The following ATP5F1D variants were observed in gnomAD, a reference collection of about 807,000 sequenced individuals.
The protein encoded by ATP5F1D is ATP synthase F(1) complex subunit delta, mitochondrial.
In ATP5F1D, 16 loss-of-function variants were observed where a neutral mutation model predicts 13.0. The observed-to-expected ratio is 1.23, with a 90% CI of 0.83 to 1.87. The LOEUF is 1.87. ATP5F1D is among the 40% of genes most tolerant of loss of function. The pLI is 0.00. For synonymous variants in ATP5F1D, 129 were observed against 116.2 expected, an observed-to-expected ratio of 1.11 and a Z score of -0.71; for missense variants, 294 against 246.2, an observed-to-expected ratio of 1.19 and a Z score of -1.30.
chr19:1,241,967 CT>C lies in ATP5F1D; in HGVS notation c.119del (p.Phe40SerfsTer24). ...AAASGPNQMS[F>X]TFASPTQVFF... is the part of the protein sequence containing the mutation. ...CCGCCTCTGGCCCCAACCAGATGTC[CT>C]TCACCTTCGCCTCTCCCACGCAGGT... On this transcript the variant is annotated frameshift_variant, in exon 1 of 4. Coordinates refer to ENST00000215375, the MANE Select transcript of ATP5F1D (RefSeq NM_001687.5). LOFTEE classifies it high-confidence loss of function. 1 of 1,481,768 alleles carries C rather than the reference CT, an allele frequency of 6.7e-7. No homozygotes were observed. The highest frequency in any genetic ancestry group is 9.0e-7 in the Non-Finnish European group (1 of 1,116,586). 91.8% of individuals were successfully genotyped at this position (1,481,768 alleles called of 1,614,324 possible). A position where few individuals can be genotyped will look rare whatever the true frequency, so the allele number is the denominator to read the frequency against.
At position 1,244,565 on chromosome 19, in the gene ATP5F1D, G is replaced by T. The variant is rs1440422001; in HGVS notation, c.*128G>T. ...CTGCCAAGGAGGCCACCAGAGGGCA[G>T]TGCAGGCTTCTGCCTGGGCCCCAGG... On this transcript the variant is annotated 3_prime_UTR_variant, in exon 4 of 4. Transcript: ENST00000215375. 3 of 1,393,000 alleles carry T rather than the reference G, an allele frequency of 2.2e-6. No homozygotes were observed. The Admixed American group carries it at 8.0e-5, about 37-fold the overall frequency. 86.3% of individuals were successfully genotyped at this position (1,393,000 alleles called of 1,614,324 possible).
At chr19:1,242,163 C>T in intron 1 of ATP5F1D, 172 bp downstream of exon 1, 1 of 967,782 alleles carries the variant, frequency 1.0e-6, no homozygotes. Context: ...CCCTGCGCTG[C>T]CCTCGTCCCG....
Position 1,241,964 on chromosome 19 carries a change from G to T in ATP5F1D, c.114G>T (p.Met38Ile). ...CTGCCGCCTCTGGCCCCAACCAGAT[G>T]TCCTTCACCTTCGCCTCTCCCACGC... ...APAAASGPNQ[M>I]SFTFASPTQV... is the part of the protein sequence containing the mutation. The change falls in exon 1 of 4, where the codon ATG (methionine) becomes ATT (isoleucine). Residue 38 changes from methionine to isoleucine, a missense_variant. By Grantham distance (10) the Met-to-Ile change is conservative. Transcript: ENST00000215375. 1 of 1,483,556 alleles carries T rather than the reference G, an allele frequency of 6.7e-7. No homozygotes were observed. 91.9% of individuals were successfully genotyped at this position (1,483,556 alleles called of 1,614,324 possible).
chr19:1,242,063 C>A, intron 1 of ATP5F1D, 72 bp downstream of exon 1: 1 of 1,294,438 alleles, frequency 7.7e-7, no homozygotes, highest in Non-Finnish European at 9.8e-7. Context: ...CCCCAGGGCG[C>A]GACCCCCGCT....
At chr19:1,243,108 G>C (rs1262087791) in intron 2 of ATP5F1D, 2 of 153,042 alleles carry the variant, frequency 1.3e-5, no homozygotes, top group African/African-American at 4.8e-5. Context: ...GTTTTAGCAG[G>C]TTTGTCCACT....
intron 3 of ATP5F1D, 45 bp downstream of exon 3, chr19:1,244,230 C>T (rs1339491836): frequency 6.3e-7 from 1 of 1,591,368 alleles, no homozygotes; most frequent in Non-Finnish European, 8.6e-7. Context: ...TGGAGCTGTC[C>T]AGGCTGCGGG....
In ATP5F1D at chr19:1,244,734, C is replaced by A; in HGVS notation, c.*297C>A. The A allele has an allele frequency of 2.8e-6, 1 of 360,034 alleles. No individual in the cohort carries two copies. Among genetic ancestry groups the A allele is most frequent in the Non-Finnish European group, 5.1e-6 (1 of 196,902 alleles). 22.3% of individuals were successfully genotyped at this position (360,034 alleles called of 1,614,324 possible). A position where few individuals can be genotyped will look rare whatever the true frequency, so the allele number is the denominator to read the frequency against. ...GCCGCTTACCATCCCCTCTGCCCTG[C>A]AGAGCCAGCCGCCAAGGTTGACCTC... On this transcript the variant is annotated 3_prime_UTR_variant, in exon 4 of 4. Coordinates refer to ENST00000215375, the MANE Select transcript of ATP5F1D (RefSeq NM_001687.5).
rs755802108 is a variant in ATP5F1D, at chr19:1,244,104, C to T, written c.303C>T (p.Ser101=). ...CCCGCCCCATTCCCCCAGTGAGCAG[C>T]GGTTCCATCGCAGTGAACGCCGACT... is the stretch of plus-strand genomic sequence containing the variant. The part of the protein sequence containing the change: ...DGTTSKYFVS[S]GSIAVNADSS... The change falls in exon 3 of 4, where the codon AGC becomes AGT. Residue 101 remains serine, a synonymous_variant. Coordinates refer to ENST00000215375, the MANE Select transcript of ATP5F1D (RefSeq NM_001687.5). 54 of 1,610,202 alleles carry T rather than the reference C, an allele frequency of 3.4e-5. No individual in the cohort carries two copies. The highest frequency in any genetic ancestry group is 1.6e-4 in the Middle Eastern group (1 of 6,082).
At chr19:1,244,283 C>G (rs2081051923) in intron 3 of ATP5F1D, 32 bp from the exon 4 acceptor site, 2 of 1,583,408 alleles carry the variant, frequency 1.3e-6, no homozygotes, top group South Asian at 2.3e-5. Flanking sequence ...GGGGTCGCTG[C>G]TGGCCCCTCA....
chr19:1,244,574 T>TCTGCCTGGGCCCCAGGCC lies in ATP5F1D; in HGVS notation c.*145_*162dup. On this transcript the variant is annotated 3_prime_UTR_variant, in exon 4 of 4. Coordinates refer to ENST00000215375, the MANE Select transcript of ATP5F1D (RefSeq NM_001687.5). ...AGGCCACCAGAGGGCAGTGCAGGCT[T>TCTGCCTGGGCCCCAGGCC]CTGCCTGGGCCCCAGGCCCTGCCTG... 7.5e-7 allele frequency: 1 copy of TCTGCCTGGGCCCCAGGCC among 1,338,304 alleles called. No individual in the cohort carries two copies. Among genetic ancestry groups the TCTGCCTGGGCCCCAGGCC allele is most frequent in the East Asian group, 2.5e-5 (1 of 39,516 alleles). The allele number at this position is 1,338,304 out of a possible 1,614,324, so 82.9% of individuals were successfully genotyped here. A position where few individuals can be genotyped will look rare whatever the true frequency, so the allele number is the denominator to read the frequency against.
rs774373867 is a variant in ATP5F1D at position 1,244,076 on chromosome 19, C to T, written c.296-21C>T. On this transcript the variant is annotated intron_variant, in intron 2 of 3. Transcript: ENST00000215375. ...GCAGCCCTTTGGGGTCTCACGCCTT[C>T]CCCCCGCCCCATTCCCCCAGTGAGC... is the stretch of plus-strand genomic sequence containing the variant. 13 of 1,599,264 alleles carry T rather than the reference C, an allele frequency of 8.1e-6. No homozygotes were observed. In the Middle Eastern group the frequency reaches 4.9e-4, roughly 61 times the overall value.
intron 3 of ATP5F1D, 39 bp downstream of exon 3, chr19:1,244,224 G>A (rs1334452941): frequency 6.3e-7 from 1 of 1,592,632 alleles, no homozygotes; most frequent in East Asian, 2.3e-5. Flanking sequence ...GCAGGTTGGA[G>A]CTGTCCAGGC....
rs867963625 is a variant in ATP5F1D at position 1,242,218 on chromosome 19, T to G, written c.141+227T>G. 17 of 763,378 alleles carry G rather than the reference T, an allele frequency of 2.2e-5. 1 individual carries two copies. The South Asian group carries it at 5.5e-4, about 25-fold the overall frequency. 47.3% of individuals were successfully genotyped at this position (763,378 alleles called of 1,614,324 possible). On this transcript the variant is annotated intron_variant, in intron 1 of 3. Transcript: ENST00000215375. ...CGTCTCCTGGGTGCCCTCCCCGATC[T>G]CCCTGGCCAAAGCCTGGGTGTCGCC... is the stretch of plus-strand genomic sequence containing the variant.
rs1003385367 is a variant in ATP5F1D at position 1,244,333 on chromosome 19, G to GA, written c.404dup (p.Lys136GlufsTer11). 6.3e-7 allele frequency: 1 copy of GA among 1,593,524 alleles called. No individual in the cohort carries two copies. The highest frequency in any genetic ancestry group is 1.3e-5 in the African/African-American group (1 of 74,686). ...CTTGCAGGCAGCCAAGGCAAACTTG[G>GA]AGAAGGCCCAGGCGGAGCTGGTGGG... is the stretch of plus-strand genomic sequence containing the variant. On this transcript the variant is annotated frameshift_variant, in exon 4 of 4. Coordinates refer to ENST00000215375, the MANE Select transcript of ATP5F1D (RefSeq NM_001687.5). LOFTEE classifies it low-confidence loss of function (END_TRUNC).
Position 1,244,306 on chromosome 19 carries a change from C to G in ATP5F1D, c.385-9C>G, listed in dbSNP as rs766957056. On this transcript the variant is annotated splice_polypyrimidine_tract_variant and intron_variant, in intron 3 of 3. Transcript: ENST00000215375. ...TGCTGGCCCCTCACCGCCCCTCAAC[C>G]CCTTGCAGGCAGCCAAGGCAAACTT... 1 of 1,591,948 alleles carries G rather than the reference C, an allele frequency of 6.3e-7. No individual in the cohort carries two copies. Among genetic ancestry groups the G allele is most frequent in the Non-Finnish European group, 8.5e-7 (1 of 1,169,846 alleles).
intron 2 of ATP5F1D, 63 bp from the exon 3 acceptor site, chr19:1,244,028 ACCAGGG>A: frequency 6.7e-7 from 1 of 1,481,542 alleles, no homozygotes. Context: ...TCTGGACTTG[ACCAGGG>A]GAGTCCCTGA....
At position 1,241,771 on chromosome 19, in the gene ATP5F1D, C is replaced by A; in HGVS notation, c.-80C>A. The A allele has an allele frequency of 1.6e-6, 2 of 1,258,910 alleles. No homozygotes were observed. Among genetic ancestry groups the A allele is most frequent in the Non-Finnish European group, 2.0e-6 (2 of 1,002,500 alleles). The allele number at this position is 1,258,910 out of a possible 1,614,324, so 78.0% of individuals were successfully genotyped here. On this transcript the variant is annotated 5_prime_UTR_variant, in exon 1 of 4. Transcript: ENST00000215375. ...CTCCCAGACGTCCCTGCGCGTCGTC[C>A]TCCTCGCCCTCCAGGCCGCCCGCGC...
In ATP5F1D at chr19:1,242,606, T is replaced by A. The variant is rs1455523726; in HGVS notation, c.292T>A (p.Phe98Ile). 2.6e-6 allele frequency: 4 copies of A among 1,516,076 alleles called. No homozygotes were observed. The South Asian group carries it at 4.9e-5, about 19-fold the overall frequency. 93.9% of individuals were successfully genotyped at this position (1,516,076 alleles called of 1,614,324 possible). Reference protein sequence around the residue: ...HAEDGTTSKYFVSSGSIAVNA... With the variant: ...HAEDGTTSKYIVSSGSIAVNA... ...AGAGGACGGCACCACCTCCAAATAC[T>A]TTGGTGAGTCCGGTGGAGGGCTGCA... Residue 98 changes from phenylalanine to isoleucine, a missense_variant, in exon 2 of 4, where the codon TTT becomes ATT. Phe to Ile is a conservative substitution (Grantham distance 21). Transcript: ENST00000215375.
chr19:1,244,279 G>C (rs368955968), intron 3 of ATP5F1D, 36 bp from the exon 4 acceptor site: 6 of 1,581,088 alleles, frequency 3.8e-6, no homozygotes, highest in Non-Finnish European at 5.2e-6. Context: ...GGCTGGGGTC[G>C]CTGCTGGCCC....
Sources: gnomAD v4.1 joint callset for allele counts on GRCh38, gnomAD v4.1.1 for gene constraint, MANE v1.5 for transcripts, NCBI Gene and HGNC (gene_info 2026-07-23, HGNC 2026-07-21) for gene names.